The following PEX5L variants were observed in gnomAD, a reference collection of about 807,000 sequenced individuals.
The protein encoded by PEX5L is peroxisomal biogenesis factor 5 like.
In PEX5L, 30 loss-of-function variants were observed where a neutral mutation model predicts 84.0. The observed-to-expected ratio is 0.36, with a 90% CI of 0.27 to 0.48. The LOEUF (loss-of-function observed/expected upper bound fraction) is 0.48, where lower values mean the gene tolerates loss of function less well. Ranked by LOEUF, PEX5L falls within the 20% of genes least tolerant of loss-of-function variation. The pLI, the probability that PEX5L is intolerant of heterozygous loss-of-function variation, is 0.99. For synonymous variants in PEX5L, 270 were observed against 283.1 expected, an observed-to-expected ratio of 0.95 and a Z score of 0.46; for missense variants, 533 against 754.6, an observed-to-expected ratio of 0.71 and a Z score of 3.44.
intron 13 of PEX5L, 74 bp downstream of exon 13, chr3:179,808,198 T>C (rs1421693664): frequency 2.5e-6 from 3 of 1,218,626 alleles, no homozygotes; most frequent in Non-Finnish European, 3.4e-6. Flanking sequence ...AGAAGAAATG[T>C]AGACGGTGTA....
At chr3:179,842,444 A>G (rs1332945162) in intron 8 of PEX5L, among the ~76,000 whole-genome samples, 1 of 152,194 alleles carries the variant, frequency 6.6e-6, no homozygotes, top group African/African-American at 2.4e-5. Flanking sequence ...AAATTTTAAA[A>G]GAGGGCTTAT....
At position 179,971,593 on chromosome 3, in the gene PEX5L, C is replaced by G; in HGVS notation, c.93+1G>C. 6.2e-7 allele frequency: 1 copy of G among 1,606,506 alleles called. No individual in the cohort carries two copies. The highest frequency in any genetic ancestry group is 8.5e-7 in the Non-Finnish European group (1 of 1,176,560). On this transcript the variant is annotated splice_donor_variant, in intron 2 of 14. Coordinates refer to ENST00000467460, the MANE Select transcript of PEX5L (RefSeq NM_016559.3). LOFTEE classifies it high-confidence loss of function. Reference sequence around the variant, plus strand: ...GAAAATGTACGTAAGTATTCACTTACCTGCTTTTGATCAACAATTATTTCG... The same window carrying G: ...GAAAATGTACGTAAGTATTCACTTAGCTGCTTTTGATCAACAATTATTTCG...
chr3:179,988,396 A>G lies in PEX5L; in HGVS notation c.22-16731T>C, dbSNP rs868842761. Among the ~76,000 whole-genome samples the G allele has an allele frequency of 4.0e-5, 6 of 150,502 alleles. No individual in the cohort carries two copies. The South Asian group carries it at 8.3e-4, about 21-fold the overall frequency. On this transcript the variant is annotated intron_variant, in intron 1 of 14. Coordinates refer to ENST00000467460, the MANE Select transcript of PEX5L (RefSeq NM_016559.3). ...AGAGTGAAAATCTGCCTCAATAAAT[A>G]AATAAATAAATAAATAAATAAATAA...
intron 8 of PEX5L, 72 bp from the exon 9 acceptor site, chr3:179,820,048 C>CT: frequency 6.3e-7 from 1 of 1,599,400 alleles, no homozygotes. Flanking sequence ...TCTTCCCCCC[C>CT]TAATAGATAA....
chr3:179,964,723 GAA>G (rs772716981), intron 2 of PEX5L, among the ~76,000 whole-genome samples: 1 of 152,120 alleles, frequency 6.6e-6, no homozygotes, highest in African/African-American at 2.4e-5. Context: ...AATCACTAGA[GAA>G]ATGCATACCC....
chr3:179,918,752 T>C, intron 2 of PEX5L, among the ~76,000 whole-genome samples: 1 of 152,280 alleles, frequency 6.6e-6, no homozygotes, highest in East Asian at 1.9e-4. Flanking sequence ...CTTTCTTCTT[T>C]TTTTCTTCTT....
At chr3:179,853,250 T>C (rs1742619974) in intron 8 of PEX5L, among the ~76,000 whole-genome samples, 2 of 152,218 alleles carry the variant, frequency 1.3e-5, no homozygotes, top group African/African-American at 4.8e-5. Context: ...GCCTGGCCCA[T>C]GGAAGCAGCT....
chr3:179,960,673 G>A (rs61295148), intron 2 of PEX5L, among the ~76,000 whole-genome samples: 7,133 of 152,194 alleles, frequency 0.047, 567 homozygotes, highest in African/African-American at 0.16. Flanking sequence ...AAAATGCAAA[G>A]TTTACAAGGT....
intron 2 of PEX5L, among the ~76,000 whole-genome samples, chr3:179,957,758 T>G (rs1578967826): frequency 6.6e-6 from 1 of 152,164 alleles, no homozygotes; most frequent in Non-Finnish European, 1.5e-5. Flanking sequence ...AGGATTTAAT[T>G]TATCATACGT....
At chr3:180,023,064 C>T (rs975128387) in intron 1 of PEX5L, among the ~76,000 whole-genome samples, 3 of 152,082 alleles carry the variant, frequency 2.0e-5, no homozygotes, top group East Asian at 3.9e-4. Flanking sequence ...GCTGAGGTAC[C>T]GACATGGAGA....
chr3:180,011,956 C>A (rs1207693185), intron 1 of PEX5L, among the ~76,000 whole-genome samples: 1 of 152,174 alleles, frequency 6.6e-6, no homozygotes, highest in Admixed American at 6.5e-5. Flanking sequence ...TGAGATGAAG[C>A]CATAAAATTC....
chr3:179,853,978 AT>A (rs1209587555), intron 8 of PEX5L, among the ~76,000 whole-genome samples: 1 of 147,816 alleles, frequency 6.8e-6, no homozygotes, highest in Non-Finnish European at 1.5e-5. Context: ...TGACTGGCTA[AT>A]TTTTCTGTCT....
intron 2 of PEX5L, among the ~76,000 whole-genome samples, chr3:179,926,198 C>T (rs1771402170): frequency 6.6e-6 from 1 of 152,178 alleles, no homozygotes; most frequent in African/African-American, 2.4e-5. Context: ...GCCCTCATCT[C>T]TCAGCTGGAC....
chr3:180,013,790 A>G (rs1173042957), intron 1 of PEX5L, among the ~76,000 whole-genome samples: 1 of 152,234 alleles, frequency 6.6e-6, no homozygotes, highest in Non-Finnish European at 1.5e-5. Context: ...GAATGCAGGA[A>G]AAACAACTGG....
intron 2 of PEX5L, chr3:179,902,688 T>A (rs1018206359): frequency 1.1e-5 from 5 of 456,436 alleles, no homozygotes; most frequent in Admixed American, 7.1e-5. Context: ...TTTTGGTGCA[T>A]AAAATACTTA....
At chr3:179,968,622 A>C (rs1200943937) in intron 2 of PEX5L, among the ~76,000 whole-genome samples, 1 of 152,028 alleles carries the variant, frequency 6.6e-6, no homozygotes, top group Admixed American at 6.6e-5. Context: ...CTACGCTTAA[A>C]GTTTGAAAAC....
intron 2 of PEX5L, among the ~76,000 whole-genome samples, chr3:179,927,653 AAATT>A (rs932767546): frequency 3.0e-4 from 46 of 152,190 alleles, no homozygotes; most frequent in African/African-American, 1.1e-3. Context: ...TTTATTTGAA[AAATT>A]AATTGTTATT....
chr3:179,829,560 A>G (rs1383443778), intron 8 of PEX5L, among the ~76,000 whole-genome samples: 1 of 152,118 alleles, frequency 6.6e-6, no homozygotes, highest in East Asian at 1.9e-4. Flanking sequence ...GAGTGAGATG[A>G]AGGAATGTAA....
chr3:179,942,785 A>G (rs1776505413), intron 2 of PEX5L, among the ~76,000 whole-genome samples: 1 of 152,166 alleles, frequency 6.6e-6, no homozygotes, highest in African/African-American at 2.4e-5. Context: ...TGGTGACCTG[A>G]GCTAGAACAA....
Sources: gnomAD v4.1 joint callset for allele counts (sites outside exome capture counted in the v4.1 genomes callset) on GRCh38, gnomAD v4.1.1 for gene constraint, MANE v1.5 for transcripts, NCBI Gene and HGNC (gene_info 2026-07-23, HGNC 2026-07-21) for gene names.